C12orf42: variants seen among roughly 807,000 people sequenced by gnomAD.
C12orf42 encodes the protein uncharacterized protein C12orf42.
In C12orf42, 25 loss-of-function variants were observed where a neutral mutation model predicts 21.6. The observed-to-expected ratio is 1.16, with a 90% CI of 0.84 to 1.62. C12orf42 has a LOEUF of 1.62. Ranked by LOEUF, C12orf42 falls within the 40% of genes most tolerant of loss-of-function variation. The pLI is 0.00. For synonymous variants in C12orf42, 174 were observed against 175.0 expected (o/e 0.99, Z 0.05); for missense variants, 483 against 459.3 (o/e 1.05, Z -0.47).
chr12:103,404,997 GCCA>G (rs1391478668), intron 2 of C12orf42, among the ~76,000 whole-genome samples: 1 of 152,196 alleles, frequency 6.6e-6, no homozygotes, highest in Non-Finnish European at 1.5e-5. Flanking sequence ...TCCTTGGAAG[GCCA>G]CAATATCTCA....
chr12:103,257,465 C>T (rs781495157), intron 10 of C12orf42, among the ~76,000 whole-genome samples: 14 of 152,008 alleles, frequency 9.2e-5, no homozygotes, highest in South Asian at 2.1e-4. Context: ...ATACAACTTC[C>T]GTTTCAAAAT....
chr12:103,340,809 G>A (rs1302221060), intron 4 of C12orf42, among the ~76,000 whole-genome samples: 1 of 152,096 alleles, frequency 6.6e-6, no homozygotes, highest in Non-Finnish European at 1.5e-5. Context: ...AGAAAGGTTA[G>A]TTGAGCTGAA....
At chr12:103,395,555 T>C (rs2047455313) in intron 3 of C12orf42, among the ~76,000 whole-genome samples, 1 of 152,176 alleles carries the variant, frequency 6.6e-6, no homozygotes, top group African/African-American at 2.4e-5. Flanking sequence ...CAGGATGGTC[T>C]CGATCTCCTG....
chr12:103,134,206 A>G, the C12orf42 span, among the ~76,000 whole-genome samples: 775 of 152,308 alleles, frequency 5.1e-3, 3 homozygotes, highest in Non-Finnish European at 7.2e-3. Flanking sequence ...TTGAAAAATC[A>G]AGGAAACATG....
the C12orf42 span, among the ~76,000 whole-genome samples, chr12:103,084,010 A>G: frequency 0.011 from 1,619 of 152,272 alleles, 12 homozygotes; most frequent in South Asian, 0.019. Context: ...GTAAATGATA[A>G]CTGCAGTTTT....
At chr12:103,120,517 AGAG>A in the C12orf42 span, among the ~76,000 whole-genome samples, 10 of 152,150 alleles carry the variant, frequency 6.6e-5, no homozygotes, top group South Asian at 2.1e-4. Context: ...GAGGTGAGAA[AGAG>A]GAGGGAGATA....
downstream of C12orf42, among the ~76,000 whole-genome samples, chr12:103,234,957 G>T (rs1003318330): frequency 6.6e-6 from 1 of 152,036 alleles, no homozygotes. Flanking sequence ...TACCGAGGAA[G>T]AATTCAATAT....
At chr12:103,160,050 G>T in the C12orf42 span, among the ~76,000 whole-genome samples, 3 of 152,190 alleles carry the variant, frequency 2.0e-5, no homozygotes, top group Non-Finnish European at 4.4e-5. Flanking sequence ...AGCTCATTGT[G>T]TTTGACGTAT....
intron 2 of C12orf42, among the ~76,000 whole-genome samples, chr12:103,403,219 C>CA (rs375049380): frequency 4.0e-5 from 6 of 151,830 alleles, no homozygotes; most frequent in Non-Finnish European, 7.4e-5. Flanking sequence ...ACTAAAAATA[C>CA]AAAAAAATTA....
chr12:103,154,025 CAAA>C, the C12orf42 span, among the ~76,000 whole-genome samples: 2 of 51,676 alleles, frequency 3.9e-5, no homozygotes, highest in South Asian at 9.6e-4. Context: ...CAAATCTCAG[CAAA>C]AAAAAAAAAA....
intron 4 of C12orf42, among the ~76,000 whole-genome samples, chr12:103,323,109 C>T (rs1393519261): frequency 1.3e-5 from 2 of 152,110 alleles, no homozygotes; most frequent in East Asian, 3.9e-4. Context: ...TGTCTAGTGC[C>T]CTGTAGATGC....
At chr12:103,178,882 A>G in the C12orf42 span, among the ~76,000 whole-genome samples, 2 of 152,216 alleles carry the variant, frequency 1.3e-5, no homozygotes, top group African/African-American at 4.8e-5. Flanking sequence ...GCCTGCATAG[A>G]CACCTGCTGG....
At chr12:103,088,881 A>G in the C12orf42 span, among the ~76,000 whole-genome samples, 3 of 152,098 alleles carry the variant, frequency 2.0e-5, no homozygotes, top group South Asian at 6.2e-4. Flanking sequence ...AGGAGGCCAG[A>G]TCACGAGGTC....
At chr12:103,456,939 GC>G (rs1267566880) in intron 2 of C12orf42, among the ~76,000 whole-genome samples, 1 of 152,066 alleles carries the variant, frequency 6.6e-6, no homozygotes, top group Non-Finnish European at 1.5e-5. Context: ...AATATAATCT[GC>G]TTTGAAATTT....
Position 103,453,786 on chromosome 12 carries a change from T to A in C12orf42, c.78+24563A>T, listed in dbSNP as rs1952107788. Among the ~76,000 whole-genome samples the A allele has an allele frequency of 2.0e-5, 3 of 152,216 alleles. No individual in the cohort carries two copies. In the South Asian group the frequency reaches 6.2e-4, roughly 32 times the overall value. On this transcript the variant is annotated intron_variant, in intron 2 of 5. Coordinates refer to ENST00000548883, the MANE Select transcript of C12orf42 (RefSeq NM_198521.5). The stretch of plus-strand genomic sequence containing the variant: ...TGATTTTTTCACTCAACTTAATAAA[T>A]CAGATTTCCTGTTAAATTACTTTCT...
At chr12:103,083,130 C>T in the C12orf42 span, among the ~76,000 whole-genome samples, 8 of 152,004 alleles carry the variant, frequency 5.3e-5, no homozygotes, top group African/African-American at 1.4e-4. Context: ...TTTGGGAGGC[C>T]GAGGCGGGTG....
At chr12:103,286,944 A>C (rs1235569159) in intron 4 of C12orf42, among the ~76,000 whole-genome samples, 2 of 152,024 alleles carry the variant, frequency 1.3e-5, no homozygotes, top group Non-Finnish European at 2.9e-5. Flanking sequence ...CGTCTCAAAA[A>C]AAAAAAAAAT....
chr12:103,520,202 T>C, the C12orf42 span, among the ~76,000 whole-genome samples: 1,800 of 152,204 alleles, frequency 0.012, 16 homozygotes, highest in Non-Finnish European at 0.02. Flanking sequence ...CCACAACTCC[T>C]GGGCACATGT....
the C12orf42 span, among the ~76,000 whole-genome samples, chr12:103,101,829 G>A: frequency 6.6e-6 from 1 of 152,220 alleles, no homozygotes; most frequent in Non-Finnish European, 1.5e-5. Context: ...TTACTCGTGT[G>A]TCTGTGGTCA....
Sources: allele counts gnomAD v4.1 joint callset (sites outside exome capture counted in the v4.1 genomes callset), GRCh38; gene constraint gnomAD v4.1.1; transcripts MANE v1.5; gene names NCBI Gene and HGNC (gene_info 2026-07-23, HGNC 2026-07-21).